Variants in PHLDB2 observed in about 807,000 individuals in gnomAD.
PHLDB2 encodes pleckstrin homology like domain family B member 2.
In PHLDB2, 71 loss-of-function variants were observed where a neutral mutation model predicts 123.6. That is an observed-to-expected ratio of 0.57 (90% CI 0.47 to 0.70). The LOEUF is 0.70. Among genes scored for constraint, PHLDB2 ranks in the 30% least tolerant of loss-of-function variants. PHLDB2 has a pLI of 0.00. For missense variants in PHLDB2, 1,446 were observed against 1,519.5 expected, an observed-to-expected ratio of 0.95 and a Z score of 0.80; for synonymous variants, 547 against 541.6, an observed-to-expected ratio of 1.01 and a Z score of -0.14.
chr3:111,758,619 G>A (rs1031930670), intron 1 of PHLDB2, among the ~76,000 whole-genome samples: 1 of 152,236 alleles, frequency 6.6e-6, no homozygotes, highest in South Asian at 2.1e-4. Flanking sequence ...ACTGACCTGC[G>A]CCCACTGTCT....
intron 2 of PHLDB2, among the ~76,000 whole-genome samples, chr3:111,908,559 G>A (rs2067690230): frequency 6.6e-6 from 1 of 152,194 alleles, no homozygotes. Context: ...AGCAAGGCAT[G>A]TGATGAATTA....
intron 1 of PHLDB2, among the ~76,000 whole-genome samples, chr3:111,789,094 T>C (rs2060807979): frequency 1.3e-5 from 2 of 152,230 alleles, no homozygotes; most frequent in South Asian, 4.1e-4. Context: ...AGTTTTACTT[T>C]TCCCAATCGT....
intron 1 of PHLDB2, among the ~76,000 whole-genome samples, chr3:111,825,620 G>T (rs4682063): frequency 0.55 from 82,991 of 151,902 alleles, 23,759 homozygotes; most frequent in Middle Eastern, 0.8. Context: ...GCTAAATTTT[G>T]TATTTTTAGT....
rs377138065 is a variant in PHLDB2, at chr3:111,936,915, T to C, written c.2131-2560T>C. Among the ~76,000 whole-genome samples the C allele has an allele frequency of 2.7e-3, 417 of 152,302 alleles. 1 individual carries two copies. Among genetic ancestry groups the C allele is most frequent in the Non-Finnish European group, 3.3e-3 (222 of 68,010 alleles). ...GTGTATTATTTCAAAACAGAAGATA[T>C]TGTTTTAAGCCATAACACTTGAGTT... is the stretch of plus-strand genomic sequence containing the variant. On this transcript the variant is annotated intron_variant, in intron 6 of 17. Coordinates refer to ENST00000431670, the MANE Select transcript of PHLDB2 (RefSeq NM_001134438.2).
intron 2 of PHLDB2, among the ~76,000 whole-genome samples, chr3:111,907,448 CAGGG>C (rs1467584724): frequency 6.6e-6 from 1 of 152,116 alleles, no homozygotes; most frequent in East Asian, 1.9e-4. Context: ...GTGCACATGA[CAGGG>C]AGGCTTACCC....
intron 1 of PHLDB2, among the ~76,000 whole-genome samples, chr3:111,755,786 T>C (rs2107987754): frequency 6.8e-6 from 1 of 147,012 alleles, no homozygotes; most frequent in African/African-American, 2.6e-5. Flanking sequence ...CTTGTGGGCA[T>C]TTAGTGCTAT....
intron 15 of PHLDB2, among the ~76,000 whole-genome samples, 175 bp downstream of exon 15, chr3:111,967,999 A>AAAAT: frequency 6.9e-6 from 1 of 145,930 alleles, no homozygotes; most frequent in Non-Finnish European, 1.5e-5. Flanking sequence ...AAAAAAAAAA[A>AAAAT]TGTGAGTTCA....
chr3:111,849,532 C>T (rs1035499883), intron 2 of PHLDB2, among the ~76,000 whole-genome samples: 1 of 152,138 alleles, frequency 6.6e-6, no homozygotes, highest in Non-Finnish European at 1.5e-5. Flanking sequence ...AGGAATCAAG[C>T]TCTGGAAATT....
At chr3:111,831,630 C>T (rs971572759) in intron 1 of PHLDB2, among the ~76,000 whole-genome samples, 3 of 151,966 alleles carry the variant, frequency 2.0e-5, no homozygotes, top group African/African-American at 7.3e-5. Context: ...TGTTCAAGAC[C>T]AAGTTTGAAT....
intron 1 of PHLDB2, among the ~76,000 whole-genome samples, chr3:111,830,379 C>A (rs1048428088): frequency 6.6e-6 from 1 of 151,514 alleles, no homozygotes; most frequent in East Asian, 1.9e-4. Flanking sequence ...ATCTTACATG[C>A]GACATTTTTC....
Position 111,962,143 on chromosome 3 carries a change from C to CA in PHLDB2, c.2909dup (p.Lys971GlufsTer3), listed in dbSNP as rs1170889997. 6.3e-7 allele frequency: 1 copy of CA among 1,582,322 alleles called. No individual in the cohort carries two copies. Among genetic ancestry groups the CA allele is most frequent in the African/African-American group, 1.4e-5 (1 of 72,366 alleles). ...CCAACAGATGAGTGAAGGACACAGG[C>CA]AGAAATCTGAATTTTATAACCGCAC... On this transcript the variant is annotated frameshift_variant, in exon 13 of 18. Transcript: ENST00000431670. LOFTEE classifies it high-confidence loss of function.
At chr3:111,891,619 T>C (rs2066503116) in intron 2 of PHLDB2, among the ~76,000 whole-genome samples, 1 of 152,134 alleles carries the variant, frequency 6.6e-6, no homozygotes, top group Non-Finnish European at 1.5e-5. Flanking sequence ...ATAAATGTAA[T>C]GTGCTTGAAT....
At chr3:111,887,217 G>A (rs1183953068) in intron 2 of PHLDB2, among the ~76,000 whole-genome samples, 2 of 152,228 alleles carry the variant, frequency 1.3e-5, no homozygotes, top group East Asian at 1.9e-4. Context: ...TGTACTGCCT[G>A]TAAGGTTGGG....
chr3:111,886,243 G>T (rs1009734522), intron 2 of PHLDB2, among the ~76,000 whole-genome samples: 1 of 152,186 alleles, frequency 6.6e-6, no homozygotes, highest in Non-Finnish European at 1.5e-5. Context: ...CAGCAACACA[G>T]TAGGATTATC....
intron 1 of PHLDB2, among the ~76,000 whole-genome samples, chr3:111,789,023 T>C (rs374030805): frequency 1.1e-3 from 169 of 152,314 alleles, no homozygotes; most frequent in African/African-American, 3.8e-3. Context: ...TATTATGTTC[T>C]TCTCCCTGTT....
intron 9 of PHLDB2, chr3:111,945,587 T>TTG (rs1000701850): frequency 8.8e-5 from 45 of 512,306 alleles, no homozygotes; most frequent in East Asian, 4.0e-4. Flanking sequence ...ATGTGTGTGT[T>TTG]TGTGTGTGTG....
At chr3:111,908,219 C>T (rs2067671225) in intron 2 of PHLDB2, among the ~76,000 whole-genome samples, 1 of 152,174 alleles carries the variant, frequency 6.6e-6, no homozygotes, top group African/African-American at 2.4e-5. Context: ...CATAGATAAT[C>T]TCCCAGAAGC....
intron 6 of PHLDB2, among the ~76,000 whole-genome samples, chr3:111,937,299 A>T (rs1015067954): frequency 6.6e-6 from 1 of 152,152 alleles, no homozygotes; most frequent in African/African-American, 2.4e-5. Flanking sequence ...CAGAGTGGGG[A>T]TGGGGTTGAA....
intron 5 of PHLDB2, among the ~76,000 whole-genome samples, chr3:111,920,750 T>C (rs1288874217): frequency 2.0e-5 from 3 of 152,258 alleles, no homozygotes; most frequent in East Asian, 3.8e-4. Context: ...TTTTAAGTAA[T>C]TTCTTTAGTA....
Sources: gnomAD v4.1 joint callset for allele counts (sites outside exome capture counted in the v4.1 genomes callset) on GRCh38, gnomAD v4.1.1 for gene constraint, MANE v1.5 for transcripts, NCBI Gene and HGNC (gene_info 2026-07-23, HGNC 2026-07-21) for gene names.